BIRC5: variants seen among roughly 807,000 people sequenced by gnomAD.
The protein encoded by BIRC5 is baculoviral IAP repeat containing 5.
BIRC5 carries 8 observed loss-of-function variants against 15.8 expected under a neutral mutation model. That is an observed-to-expected ratio of 0.51 (90% CI 0.30 to 0.91). The LOEUF (loss-of-function observed/expected upper bound fraction) is 0.91, where lower values mean the gene tolerates loss of function less well. BIRC5 is among the 40% of genes least tolerant of loss of function. The pLI is 0.07. For synonymous variants in BIRC5, 56 were observed against 64.5 expected, an observed-to-expected ratio of 0.87 and a Z score of 0.63; for missense variants, 163 against 178.6, an observed-to-expected ratio of 0.91 and a Z score of 0.50.
chr17:78,223,977 G>T lies in BIRC5; in HGVS notation c.*423G>T, dbSNP rs767165758. 1.1e-4 allele frequency: 22 copies of T among 199,122 alleles called. No homozygotes were observed. Among genetic ancestry groups the T allele is most frequent in the Non-Finnish European group, 1.6e-4 (16 of 99,260 alleles). 12.3% of individuals were successfully genotyped at this position (199,122 alleles called of 1,614,324 possible). On this transcript the variant is annotated 3_prime_UTR_variant, in exon 4 of 4. Transcript: ENST00000350051. ...CACAGTCCTGAGTGTGGACTTGGCA[G>T]GTGCCTGTTGAATCTGAGCTGCAGG...
Position 78,223,766 on chromosome 17 carries a change from G to A in BIRC5, c.*212G>A. On this transcript the variant is annotated 3_prime_UTR_variant, in exon 4 of 4. Transcript: ENST00000350051. ...TGTGCAGCGGGTGCTGCTGGTAACA[G>A]TGGCTGCTTCTCTCTCTCTCTCTCT... 1 of 1,089,906 alleles carries A rather than the reference G, an allele frequency of 9.2e-7. No homozygotes were observed. The highest frequency in any genetic ancestry group is 1.2e-6 in the Non-Finnish European group (1 of 814,418). The allele number at this position is 1,089,906 out of a possible 1,614,324, so 67.5% of individuals were successfully genotyped here. A position where few individuals can be genotyped will look rare whatever the true frequency, so the allele number is the denominator to read the frequency against.
chr17:78,221,796 T>G (rs2076517375), intron 3 of BIRC5, among the ~76,000 whole-genome samples: 1 of 152,208 alleles, frequency 6.6e-6, no homozygotes, highest in African/African-American at 2.4e-5. Context: ...GAGAAGAAAC[T>G]GAATAATCCA....
At chr17:78,220,009 T>C (rs920609684) in intron 3 of BIRC5, among the ~76,000 whole-genome samples, 2 of 152,192 alleles carry the variant, frequency 1.3e-5, no homozygotes, top group African/African-American at 2.4e-5. Context: ...TCTGACACCA[T>C]CCAGTTCCAG....
chr17:78,214,438 C>G lies in BIRC5; in HGVS notation c.111+11C>G. ...TGCACCCCGGAGCGGGTGAGACTGC[C>G]CGGCCTCCTGGGGTCCCCCACGCCC... On this transcript the variant is annotated intron_variant, in intron 1 of 3. Coordinates refer to ENST00000350051, the MANE Select transcript of BIRC5 (RefSeq NM_001168.3). 1 of 1,542,696 alleles carries G rather than the reference C, an allele frequency of 6.5e-7. No homozygotes were observed. Among genetic ancestry groups the G allele is most frequent in the Non-Finnish European group, 8.8e-7 (1 of 1,142,514 alleles).
In BIRC5 at chr17:78,224,074, T is replaced by A; in HGVS notation, c.*520T>A. 6.5e-6 allele frequency: 1 copy of A among 153,652 alleles called. No individual in the cohort carries two copies. Among genetic ancestry groups the A allele is most frequent in the Non-Finnish European group, 1.4e-5 (1 of 69,488 alleles). The allele number at this position is 153,652 out of a possible 1,614,324, so 9.5% of individuals were successfully genotyped here. On this transcript the variant is annotated 3_prime_UTR_variant, in exon 4 of 4. Coordinates refer to ENST00000350051, the MANE Select transcript of BIRC5 (RefSeq NM_001168.3). ...TTGTTGTGTTTTTTTGTTTTTTTTT[T>A]TTTGGTAGATGCATGACTTGTGTGT...
At chr17:78,222,788 G>A (rs17882271) in intron 3 of BIRC5, 153,873 of 1,533,212 alleles carry the variant, frequency 0.1, 8,783 homozygotes, top group Middle Eastern at 0.17. Flanking sequence ...AGGGAAGGGG[G>A]TCCCTGGATT....
intron 3 of BIRC5, among the ~76,000 whole-genome samples, chr17:78,217,936 C>T (rs2661691): frequency 0.3 from 45,932 of 151,400 alleles, 7,864 homozygotes; most frequent in Middle Eastern, 0.48. Context: ...GGACTACAGG[C>T]GCACCCCACC....
In BIRC5 at chr17:78,222,202, TA is replaced by T. The variant is rs201091966; in HGVS notation, c.340-1250del. On this transcript the variant is annotated intron_variant, in intron 3 of 3. Transcript: ENST00000350051. ...GGATGACAGAGCGAGACCCTGTCTCTAAAAAAAAAAAAACCAAACGGTGCAC... is the reference window on the plus strand; with the variant it reads ...GGATGACAGAGCGAGACCCTGTCTCTAAAAAAAAAAAACCAAACGGTGCAC... Among the ~76,000 whole-genome samples, 1,153 of 141,834 alleles carry T rather than the reference TA, an allele frequency of 8.1e-3. 18 individuals carry two copies. Among genetic ancestry groups the T allele is most frequent in the African/African-American group, 0.027 (1,045 of 38,918 alleles). 93.0% of individuals were successfully genotyped at this position (141,834 alleles called of 152,430 possible).
intron 3 of BIRC5, among the ~76,000 whole-genome samples, chr17:78,221,348 C>T (rs932810858): frequency 2.6e-5 from 4 of 152,170 alleles, no homozygotes; most frequent in Non-Finnish European, 4.4e-5. Context: ...ACCTCCTGGA[C>T]TCAAGCAATC....
rs761040974 is a variant in BIRC5 at position 78,216,652 on chromosome 17, T to C, written c.222-12T>C. The C allele has an allele frequency of 6.2e-7, 1 of 1,612,452 alleles. No individual in the cohort carries two copies. Among genetic ancestry groups the C allele is most frequent in the East Asian group, 2.2e-5 (1 of 44,820 alleles). On this transcript the variant is annotated splice_polypyrimidine_tract_variant and intron_variant, in intron 2 of 3. Transcript: ENST00000350051. ...TTCAGCTGCCTTTCCGCTGTTGTTT[T>C]GATTTTTCTAGAGAGGAACATAAAA...
intron 3 of BIRC5, among the ~76,000 whole-genome samples, chr17:78,221,366 C>G (rs2076514292): frequency 6.6e-6 from 1 of 152,188 alleles, no homozygotes; most frequent in South Asian, 2.1e-4. Flanking sequence ...ATCCTCCTGC[C>G]TCAGCCTCCC....
intron 3 of BIRC5, among the ~76,000 whole-genome samples, chr17:78,217,334 C>A (rs1317377703): frequency 1.3e-5 from 2 of 151,480 alleles, no homozygotes; most frequent in African/African-American, 4.9e-5. Flanking sequence ...TGCCACCACA[C>A]CCAGGTAATT....
chr17:78,216,926 C>G (rs1177812847), intron 3 of BIRC5, 145 bp downstream of exon 3: 2 of 563,846 alleles, frequency 3.5e-6, no homozygotes, highest in Non-Finnish European at 6.1e-6. Context: ...GTTGCCCAGG[C>G]TGGAGTGCAA....
At chr17:78,221,269 T>A (rs8079965) in intron 3 of BIRC5, among the ~76,000 whole-genome samples, 62,363 of 151,874 alleles carry the variant, frequency 0.41, 13,014 homozygotes, top group African/African-American at 0.49. Context: ...GTTTGTTTTC[T>A]TTGGCAGGGT....
intron 2 of BIRC5, chr17:78,216,185 C>T (rs1488725205): frequency 6.5e-6 from 1 of 154,840 alleles, no homozygotes; most frequent in African/African-American, 2.4e-5. Context: ...GGAGGCGGAG[C>T]TTGCAGTGAG....
chr17:78,222,741 A>G, intron 3 of BIRC5: 1 of 1,461,462 alleles, frequency 6.8e-7, no homozygotes, highest in Non-Finnish European at 9.0e-7. Context: ...TTGTTTTTTA[A>G]TGTAGTAGAG....
intron 2 of BIRC5, chr17:78,215,846 G>A: frequency 9.6e-7 from 1 of 1,037,950 alleles, no homozygotes; most frequent in Non-Finnish European, 1.2e-6. Flanking sequence ...ATGCAGTTCT[G>A]GTAACGGTGA....
chr17:78,216,149 T>C (rs930221340), intron 2 of BIRC5: 10 of 179,836 alleles, frequency 5.6e-5, no homozygotes, highest in Non-Finnish European at 9.5e-5. Flanking sequence ...CTCGGGAGGC[T>C]GAGGCAGGAG....
intron 3 of BIRC5, among the ~76,000 whole-genome samples, chr17:78,222,213 A>C (rs2076520074): frequency 6.6e-6 from 1 of 151,150 alleles, no homozygotes; most frequent in South Asian, 2.1e-4. Context: ...AAAAAAAAAA[A>C]AACCAAACGG....
Sources: gnomAD v4.1 joint callset for allele counts (sites outside exome capture counted in the v4.1 genomes callset) on GRCh38, gnomAD v4.1.1 for gene constraint, MANE v1.5 for transcripts, NCBI Gene and HGNC (gene_info 2026-07-23, HGNC 2026-07-21) for gene names.